The following PARD3B variants were observed in gnomAD, a reference collection of about 807,000 sequenced individuals.
PARD3B encodes the protein partitioning defective 3 homolog B.
In PARD3B, 103 loss-of-function variants were observed where a neutral mutation model predicts 130.2. The ratio of observed to expected loss-of-function variants is 0.79; its 90% CI spans 0.67 to 0.93. The LOEUF is 0.93. Among genes scored for constraint, PARD3B ranks in the 40% least tolerant of loss-of-function variants. PARD3B has a pLI of 0.00. For synonymous variants in PARD3B, 583 were observed against 553.2 expected, an observed-to-expected ratio of 1.05 and a Z score of -0.76; for missense variants, 1,609 against 1,499.2, an observed-to-expected ratio of 1.07 and a Z score of -1.21.
At chr2:204,763,358 T>C (rs1041197603) in intron 2 of PARD3B, among the ~76,000 whole-genome samples, 11 of 152,246 alleles carry the variant, frequency 7.2e-5, no homozygotes, top group African/African-American at 2.7e-4. Flanking sequence ...ATTAAAGGTT[T>C]GACTCTATCT....
At chr2:205,005,215 C>T (rs1035488976) in intron 3 of PARD3B, among the ~76,000 whole-genome samples, 8 of 151,806 alleles carry the variant, frequency 5.3e-5, no homozygotes, top group Non-Finnish European at 1.0e-4. Context: ...CACACATGTA[C>T]ACAAAAAGTA....
chr2:204,998,506 A>ATATAATATATG (rs1455825526), intron 3 of PARD3B, among the ~76,000 whole-genome samples: 1 of 93,514 alleles, frequency 1.1e-5, no homozygotes, highest in Admixed American at 1.2e-4. Context: ...ATATATGTGT[A>ATATAATATATG]TATATATATG....
intron 18 of PARD3B, among the ~76,000 whole-genome samples, chr2:205,326,160 C>A (rs1331400341): frequency 6.6e-6 from 1 of 152,140 alleles, no homozygotes; most frequent in Non-Finnish European, 1.5e-5. Context: ...CTTTATTATA[C>A]CTCCTATTAG....
chr2:205,337,914 C>T (rs1189713290), intron 18 of PARD3B, among the ~76,000 whole-genome samples: 1 of 151,964 alleles, frequency 6.6e-6, no homozygotes, highest in Admixed American at 6.6e-5. Context: ...GTTTGGGAGG[C>T]CAAGGCGGGT....
intron 2 of PARD3B, among the ~76,000 whole-genome samples, chr2:204,873,811 G>A (rs2045731309): frequency 6.6e-6 from 1 of 152,158 alleles, no homozygotes; most frequent in African/African-American, 2.4e-5. Flanking sequence ...GAGAGAAGAG[G>A]CAGGCTAATA....
At chr2:205,100,959 A>T (rs1018438307) in intron 4 of PARD3B, among the ~76,000 whole-genome samples, 1 of 152,182 alleles carries the variant, frequency 6.6e-6, no homozygotes, top group Non-Finnish European at 1.5e-5. Context: ...AAAACCAAAA[A>T]CACAAGCTAC....
intron 1 of PARD3B, among the ~76,000 whole-genome samples, chr2:204,608,381 C>T (rs949543939): frequency 6.6e-6 from 1 of 152,158 alleles, no homozygotes; most frequent in African/African-American, 2.4e-5. Flanking sequence ...TCTGCCCTTT[C>T]CCATTCTTCT....
At chr2:205,139,434 A>T (rs2032763107) in intron 10 of PARD3B, among the ~76,000 whole-genome samples, 1 of 152,230 alleles carries the variant, frequency 6.6e-6, no homozygotes, top group East Asian at 1.9e-4. Context: ...GACTATGTCA[A>T]CACTAGCAAC....
chr2:204,960,693 G>A (rs1027174075), intron 2 of PARD3B, among the ~76,000 whole-genome samples: 4 of 152,076 alleles, frequency 2.6e-5, no homozygotes, highest in African/African-American at 9.7e-5. Flanking sequence ...GAGCACCTAT[G>A]ATGGCATATT....
chr2:205,560,678 G>A (rs1377288779), intron 22 of PARD3B, among the ~76,000 whole-genome samples: 1 of 152,136 alleles, frequency 6.6e-6, no homozygotes, highest in Admixed American at 6.5e-5. Flanking sequence ...GGCCACGTTC[G>A]CCTCCAGTCC....
intron 3 of PARD3B, among the ~76,000 whole-genome samples, chr2:205,005,736 C>G (rs1158385031): frequency 6.6e-6 from 1 of 151,700 alleles, no homozygotes; most frequent in African/African-American, 2.4e-5. Context: ...ATTAATAACC[C>G]CCACCAAAAA....
rs906678451 is a variant in PARD3B, at chr2:205,575,207, C to A, written c.3260+21804C>A. On this transcript the variant is annotated intron_variant, in intron 22 of 22. Transcript: ENST00000406610. The surrounding 1 kb of genome is among the most constrained non-coding windows in gnomAD (Gnocchi z 4.6). ...CATATATATACAATATAGATAGATACACATACACACTGTTTTTAGTGCAGT... is the reference window on the plus strand; with the variant it reads ...CATATATATACAATATAGATAGATAAACATACACACTGTTTTTAGTGCAGT... 6.6e-6 allele frequency among the ~76,000 whole-genome samples: 1 copy of A among 151,772 alleles called. No homozygotes were observed. Among genetic ancestry groups the A allele is most frequent in the African/African-American group, 2.4e-5 (1 of 41,248 alleles).
chr2:205,478,644 C>A (rs1372999397), intron 20 of PARD3B, among the ~76,000 whole-genome samples: 1 of 152,196 alleles, frequency 6.6e-6, no homozygotes, highest in African/African-American at 2.4e-5. Flanking sequence ...AAGCGATATG[C>A]TTATTAGAAA....
At chr2:205,399,097 C>T (rs1004798722) in intron 18 of PARD3B, among the ~76,000 whole-genome samples, 3 of 151,742 alleles carry the variant, frequency 2.0e-5, no homozygotes, top group African/African-American at 4.8e-5. Context: ...GGTGAAACCC[C>T]GTCTCTACTA....
chr2:205,300,421 C>G lies in PARD3B; in HGVS notation c.2186-109C>G. 2 of 1,061,810 alleles carry G rather than the reference C, an allele frequency of 1.9e-6. No homozygotes were observed. The highest frequency in any genetic ancestry group is 2.8e-6 in the Non-Finnish European group (2 of 706,612). The allele number at this position is 1,061,810 out of a possible 1,614,324, so 65.8% of individuals were successfully genotyped here. On this transcript the variant is annotated intron_variant, in intron 16 of 22. Transcript: ENST00000406610. This position sits in a 1 kb window ranked among gnomAD's most constrained non-coding sequence, Gnocchi z 4.1. Reference sequence around the variant, plus strand: ...GGAGTATAACCCCAACTCCCACCCACTTAACACCCCTTTTTTGGGATGTCC... The same window carrying G: ...GGAGTATAACCCCAACTCCCACCCAGTTAACACCCCTTTTTTGGGATGTCC...
At chr2:205,435,082 T>A (rs1285845318) in intron 19 of PARD3B, among the ~76,000 whole-genome samples, 1 of 152,122 alleles carries the variant, frequency 6.6e-6, no homozygotes, top group African/African-American at 2.4e-5. Flanking sequence ...TTTATTTTTT[T>A]AATTATCTTA....
At chr2:204,822,368 G>C (rs1038216694) in intron 2 of PARD3B, among the ~76,000 whole-genome samples, 1 of 152,140 alleles carries the variant, frequency 6.6e-6, no homozygotes, top group Non-Finnish European at 1.5e-5. Context: ...CTTCAGGTGA[G>C]ATCTAGGCCT....
intron 1 of PARD3B, among the ~76,000 whole-genome samples, chr2:204,636,489 T>TGTGTGTGC (rs1559198503): frequency 4.3e-5 from 6 of 141,046 alleles, no homozygotes; most frequent in African/African-American, 1.5e-4. Context: ...TGTGTGTGTG[T>TGTGTGTGC]GCAGTTATTC....
intron 21 of PARD3B, among the ~76,000 whole-genome samples, chr2:205,510,189 G>A (rs1277676877): frequency 6.6e-6 from 1 of 152,152 alleles, no homozygotes. Flanking sequence ...CTGTCTCCTT[G>A]AAGTACTATG....
Sources: allele counts gnomAD v4.1 joint callset (sites outside exome capture counted in the v4.1 genomes callset), GRCh38; gene constraint gnomAD v4.1.1; non-coding constraint Gnocchi (gnomAD v3.1); transcripts MANE v1.5; gene names NCBI Gene and HGNC (gene_info 2026-07-23, HGNC 2026-07-21).